NTM: variants seen among roughly 807,000 people sequenced by gnomAD.
NTM encodes IgLON family member 2.
A neutral mutation model predicts 42.1 loss-of-function variants in NTM; 13 were observed. The observed-to-expected ratio is 0.31, with a 90% CI of 0.20 to 0.49. The LOEUF is 0.49. NTM is among the 20% of genes least tolerant of loss of function. NTM has a pLI of 0.99. For synonymous variants in NTM, 187 were observed against 179.2 expected, an observed-to-expected ratio of 1.04 and a Z score of -0.35; for missense variants, 373 against 452.8, an observed-to-expected ratio of 0.82 and a Z score of 1.60.
chr11:131,596,820 C>T (rs918109494), intron 1 of NTM, among the ~76,000 whole-genome samples: 31 of 152,278 alleles, frequency 2.0e-4, no homozygotes, highest in South Asian at 1.9e-3. Context: ...AATATATATA[C>T]GTATATGAGT....
At chr11:132,273,521 T>C (rs1380817054) in intron 4 of NTM, among the ~76,000 whole-genome samples, 1 of 152,104 alleles carries the variant, frequency 6.6e-6, no homozygotes, top group Admixed American at 6.5e-5. Flanking sequence ...TTTTGTGACT[T>C]TACCAGTGAT....
intron 1 of NTM, among the ~76,000 whole-genome samples, chr11:131,616,801 G>GTGTGTGTA (rs1395035247): frequency 6.7e-6 from 1 of 149,160 alleles, no homozygotes; most frequent in Non-Finnish European, 1.5e-5. Context: ...GTGTGTGTGT[G>GTGTGTGTA]TGTGTGTGTG....
At chr11:131,445,844 C>T (rs1950016583) in intron 1 of NTM, among the ~76,000 whole-genome samples, 1 of 152,182 alleles carries the variant, frequency 6.6e-6, no homozygotes, top group Non-Finnish European at 1.5e-5. Flanking sequence ...CAAATGCAGC[C>T]TGCCACTTAT....
intron 3 of NTM, among the ~76,000 whole-genome samples, chr11:132,209,740 C>G (rs964910395): frequency 4.6e-5 from 7 of 152,142 alleles, no homozygotes; most frequent in Non-Finnish European, 7.3e-5. Flanking sequence ...TGGTAATTCT[C>G]TCAGGCCTTG....
At chr11:131,828,510 T>A (rs1565603057) in intron 1 of NTM, among the ~76,000 whole-genome samples, 1 of 151,806 alleles carries the variant, frequency 6.6e-6, no homozygotes, top group South Asian at 2.1e-4. Context: ...ATCACCACCA[T>A]CATCATCACT....
At chr11:131,522,908 G>T (rs2049946029) in intron 1 of NTM, among the ~76,000 whole-genome samples, 1 of 152,222 alleles carries the variant, frequency 6.6e-6, no homozygotes, top group South Asian at 2.1e-4. Flanking sequence ...ATATCCAGAG[G>T]TGACGACCAA....
At chr11:131,414,877 G>A (rs577742623) in intron 1 of NTM, among the ~76,000 whole-genome samples, 2 of 152,218 alleles carry the variant, frequency 1.3e-5, no homozygotes, top group Middle Eastern at 3.4e-3. Flanking sequence ...TGCCAAACAG[G>A]GTTGTCTATA....
chr11:132,062,929 C>T (rs374766521), intron 2 of NTM, among the ~76,000 whole-genome samples: 4 of 152,112 alleles, frequency 2.6e-5, no homozygotes, highest in African/African-American at 9.6e-5. Flanking sequence ...GTGGGGCTTT[C>T]GAAAGGAAAG....
chr11:132,208,857 A>G (rs1276675204), intron 3 of NTM, among the ~76,000 whole-genome samples: 2 of 152,200 alleles, frequency 1.3e-5, no homozygotes, highest in Non-Finnish European at 1.5e-5. Context: ...AATCCCTTGC[A>G]GAGCATCTCG....
At chr11:131,762,052 T>A (rs1264063941) in intron 1 of NTM, among the ~76,000 whole-genome samples, 1 of 152,024 alleles carries the variant, frequency 6.6e-6, no homozygotes, top group African/African-American at 2.4e-5. Context: ...AGAAAATGAA[T>A]TTTTGTTGTT....
chr11:132,081,407 A>G (rs901743728), intron 2 of NTM, among the ~76,000 whole-genome samples: 1 of 152,044 alleles, frequency 6.6e-6, no homozygotes, highest in Admixed American at 6.5e-5. Context: ...CTTTTTTCCT[A>G]TCCTAAGAGG....
intron 7 of NTM, among the ~76,000 whole-genome samples, chr11:132,322,878 C>T (rs1375313540): frequency 7.0e-6 from 1 of 143,054 alleles, no homozygotes; most frequent in Non-Finnish European, 1.6e-5. Context: ...AAGAATCTCA[C>T]TCAAAACCAC....
At chr11:131,801,878 A>T (rs1303292573) in intron 1 of NTM, among the ~76,000 whole-genome samples, 1 of 152,046 alleles carries the variant, frequency 6.6e-6, no homozygotes, top group East Asian at 1.9e-4. Context: ...CTGAGGCAGC[A>T]TCCATGACCC....
chr11:131,508,433 G>T (rs1281305644), intron 1 of NTM, among the ~76,000 whole-genome samples: 1 of 148,636 alleles, frequency 6.7e-6, no homozygotes, highest in East Asian at 1.9e-4. Context: ...TTACACTGTT[G>T]GTGGGACTGT....
chr11:131,445,485 G>T (rs774848028), intron 1 of NTM, among the ~76,000 whole-genome samples: 11 of 152,168 alleles, frequency 7.2e-5, no homozygotes, highest in Non-Finnish European at 1.5e-4. Context: ...GTCTAAACTG[G>T]GTAGACCTGT....
intron 1 of NTM, among the ~76,000 whole-genome samples, chr11:131,498,079 C>G (rs961639309): frequency 6.6e-6 from 1 of 152,190 alleles, no homozygotes; most frequent in African/African-American, 2.4e-5. Flanking sequence ...CTCCATCGCT[C>G]CATCTGCGAG....
intron 4 of NTM, among the ~76,000 whole-genome samples, chr11:132,248,599 T>C (rs1413943713): frequency 2.0e-5 from 3 of 152,306 alleles, no homozygotes; most frequent in African/African-American, 4.8e-5. Context: ...GTTTGTTCTT[T>C]CTGAAAGAAG....
intron 1 of NTM, among the ~76,000 whole-genome samples, chr11:131,587,402 C>T (rs1039892618): frequency 5.9e-5 from 9 of 151,318 alleles, no homozygotes; most frequent in African/African-American, 1.9e-4. Flanking sequence ...GAGCAGAGAT[C>T]GCACCACTGC....
At chr11:131,506,672 T>C (rs12576121) in intron 1 of NTM, among the ~76,000 whole-genome samples, 39,775 of 152,022 alleles carry the variant, frequency 0.26, 6,054 homozygotes, top group African/African-American at 0.41. Context: ...GGCACAGCCC[T>C]AGGGCCTCAG....
Sources: allele counts gnomAD v4.1 joint callset (sites outside exome capture counted in the v4.1 genomes callset), GRCh38; gene constraint gnomAD v4.1.1; transcripts MANE v1.5; gene names NCBI Gene and HGNC (gene_info 2026-07-23, HGNC 2026-07-21).